NECTIN2: variants seen among roughly 807,000 people sequenced by gnomAD.
The protein encoded by NECTIN2 is nectin cell adhesion molecule 2, also known as nectin-2.
In NECTIN2, 23 loss-of-function variants were observed where a neutral mutation model predicts 56.9. The ratio of observed to expected loss-of-function variants is 0.40; its 90% CI spans 0.29 to 0.57. NECTIN2 has a LOEUF of 0.57. NECTIN2 is among the 20% of genes least tolerant of loss of function. The probability of loss-of-function intolerance (pLI) is 0.38; values close to 1 mark genes in which losing one functional copy is unlikely to be tolerated. For missense variants in NECTIN2, 587 were observed against 718.3 expected, an observed-to-expected ratio of 0.82 and a Z score of 2.09; for synonymous variants, 302 against 313.8, an observed-to-expected ratio of 0.96 and a Z score of 0.40.
chr19:44,866,938 C>T (rs1452196754), intron 2 of NECTIN2, among the ~76,000 whole-genome samples: 1 of 151,730 alleles, frequency 6.6e-6, no homozygotes, highest in Non-Finnish European at 1.5e-5. Flanking sequence ...TCAGGGAGGC[C>T]GAGGTGGGAG....
intron 6 of NECTIN2, among the ~76,000 whole-genome samples, chr19:44,882,690 CAAAAAAAAAAAAAAA>C: frequency 2.6e-5 from 1 of 38,326 alleles, no homozygotes; most frequent in South Asian, 1.2e-3. Context: ...CCCCCATCTA[CAAAAAAAAAAAAAAA>C]AAAAAAAAAA....
Position 44,871,758 on chromosome 19 carries a change from C to CG in NECTIN2, c.479-93dup. ...AGCAGCAGAGCTGGGATTGGAACCC[C>CG]GGCAGTTAGGGCCTAACCACCCTGC... On this transcript the variant is annotated intron_variant, in intron 2 of 8. Transcript: ENST00000252483. 3 of 1,371,580 alleles carry CG rather than the reference C, an allele frequency of 2.2e-6. No individual in the cohort carries two copies. In the South Asian group the frequency reaches 4.3e-5, roughly 19 times the overall value. 85.0% of individuals were successfully genotyped at this position (1,371,580 alleles called of 1,614,324 possible). A position where few individuals can be genotyped will look rare whatever the true frequency, so the allele number is the denominator to read the frequency against.
intron 5 of NECTIN2, among the ~76,000 whole-genome samples, chr19:44,877,653 AC>A (rs1969254864): frequency 6.6e-6 from 1 of 152,304 alleles, no homozygotes; most frequent in African/African-American, 2.4e-5. Flanking sequence ...ACAGCCTCCC[AC>A]TGAAACCCAG....
chr19:44,879,440 C>T (rs1969283818), intron 5 of NECTIN2, among the ~76,000 whole-genome samples: 1 of 152,056 alleles, frequency 6.6e-6, no homozygotes, highest in Non-Finnish European at 1.5e-5. Context: ...CTGCTCCCCA[C>T]TCCCATTCTT....
At chr19:44,871,102 G>A (rs981589906) in intron 2 of NECTIN2, among the ~76,000 whole-genome samples, 1 of 152,166 alleles carries the variant, frequency 6.6e-6, no homozygotes, top group Non-Finnish European at 1.5e-5. Flanking sequence ...CTGGCCTCAA[G>A]TGATCCACCC....
In NECTIN2 at chr19:44,850,194, C is replaced by T. The variant is rs112479228; in HGVS notation, c.88+3581C>T. 1.6e-3 allele frequency among the ~76,000 whole-genome samples: 237 copies of T among 152,048 alleles called. 1 individual carries two copies. The highest frequency in any genetic ancestry group is 5.5e-3 in the African/African-American group (230 of 41,456). On this transcript the variant is annotated intron_variant, in intron 1 of 8. Coordinates refer to ENST00000252483, the MANE Select transcript of NECTIN2 (RefSeq NM_001042724.2). ...CCTGGGCCACAGAGCAAGACCCTGT[C>T]TCAAAAGAGAAAAGAGTAACAGAGA...
chr19:44,865,261 C>T lies in NECTIN2; in HGVS notation c.89-10C>T, dbSNP rs376208680. The T allele has an allele frequency of 2.1e-4, 344 of 1,601,756 alleles. No individual in the cohort carries two copies. In the African/African-American group the frequency reaches 4.4e-3, roughly 20 times the overall value. The stretch of plus-strand genomic sequence containing the variant: ...ACCCGACTACTTCACTCTCTGTCCT[C>T]TCTGCCCAGGAGCCCAGGATGTGCG... On this transcript the variant is annotated splice_polypyrimidine_tract_variant and intron_variant, in intron 1 of 8. Coordinates refer to ENST00000252483, the MANE Select transcript of NECTIN2 (RefSeq NM_001042724.2). The surrounding 1 kb of genome is among the most constrained non-coding windows in gnomAD (Gnocchi z 5.2).
chr19:44,846,892 C>T (rs1015485037), intron 1 of NECTIN2, among the ~76,000 whole-genome samples: 4 of 152,012 alleles, frequency 2.6e-5, no homozygotes, highest in Admixed American at 2.0e-4. Context: ...CTCCCCATTT[C>T]TCGGATTCCC....
intron 1 of NECTIN2, among the ~76,000 whole-genome samples, chr19:44,855,019 G>A (rs980769572): frequency 1.3e-5 from 2 of 151,228 alleles, no homozygotes; most frequent in African/African-American, 4.9e-5. Flanking sequence ...TCGGGAGGCT[G>A]AGGCAGGAGA....
intron 8 of NECTIN2, among the ~76,000 whole-genome samples, chr19:44,886,453 G>T (rs1436100502): frequency 6.6e-6 from 1 of 152,208 alleles, no homozygotes; most frequent in African/African-American, 2.4e-5. Flanking sequence ...GGGCACGGTG[G>T]CTCACGCCTA....
intron 2 of NECTIN2, among the ~76,000 whole-genome samples, chr19:44,868,668 C>G (rs1039272723): frequency 6.6e-6 from 1 of 151,770 alleles, no homozygotes; most frequent in Admixed American, 6.6e-5. Flanking sequence ...AATCCCAGCA[C>G]TTTGGGAGGC....
intron 1 of NECTIN2, among the ~76,000 whole-genome samples, chr19:44,850,123 C>T (rs1968883232): frequency 6.6e-6 from 1 of 152,030 alleles, no homozygotes; most frequent in Admixed American, 6.6e-5. Context: ...TCGTTTGAAC[C>T]GAGTTCAAGG....
intron 3 of NECTIN2, 45 bp downstream of exon 3, chr19:44,872,194 A>C: frequency 6.3e-7 from 1 of 1,589,018 alleles, no homozygotes. Flanking sequence ...AACTGCCTAC[A>C]CTGGCTTCTC....
At chr19:44,876,105 C>T (rs1204939321) in intron 5 of NECTIN2, among the ~76,000 whole-genome samples, 1 of 152,138 alleles carries the variant, frequency 6.6e-6, no homozygotes, top group South Asian at 2.1e-4. Context: ...GAAACTCCTC[C>T]GAAATTATCC....
intron 3 of NECTIN2, among the ~76,000 whole-genome samples, chr19:44,873,199 T>A (rs1969197465): frequency 6.6e-6 from 1 of 152,108 alleles, no homozygotes; most frequent in Non-Finnish European, 1.5e-5. Flanking sequence ...AAGCCAAGTC[T>A]ACACCAGCTC....
rs1969219488 is a variant in NECTIN2 at position 44,874,896 on chromosome 19, A to G, written c.1042+418A>G. On this transcript the variant is annotated intron_variant, in intron 5 of 8. Coordinates refer to ENST00000252483, the MANE Select transcript of NECTIN2 (RefSeq NM_001042724.2). The surrounding 1 kb of genome is among the most constrained non-coding windows in gnomAD (Gnocchi z 6.3). ...ATCCGGCCCCAAGGCACGGAGCCAA[A>G]GAGGAAAAGCACAAAGCCAGACCAT... is the stretch of plus-strand genomic sequence containing the variant. Among the ~76,000 whole-genome samples, 1 of 152,170 alleles carries G rather than the reference A, an allele frequency of 6.6e-6. No homozygotes were observed. Among genetic ancestry groups the G allele is most frequent in the Non-Finnish European group, 1.5e-5 (1 of 68,016 alleles).
rs780977718 is a variant in NECTIN2, at chr19:44,878,509, G to C, written c.1043-3702G>C. The C allele has an allele frequency of 1.9e-6, 3 of 1,613,806 alleles. No homozygotes were observed. In the East Asian group the frequency reaches 6.7e-5, roughly 36 times the overall value. ...GCAAGGATGAGGAGGAGGAGGAGGA[G>C]GAAGAGAAGGCAGAGAAAGGCCTCA... On this transcript the variant is annotated intron_variant, in intron 5 of 8. Transcript: ENST00000252483.
At chr19:44,851,039 A>G (rs11666329) in intron 1 of NECTIN2, among the ~76,000 whole-genome samples, 66,664 of 151,782 alleles carry the variant, frequency 0.44, 16,113 homozygotes, top group Non-Finnish European at 0.53. Flanking sequence ...CGCCTCCCTC[A>G]GACCCAGAAG....
chr19:44,878,239 G>A (rs1137241), intron 5 of NECTIN2: 22 of 753,414 alleles, frequency 2.9e-5, no homozygotes, highest in East Asian at 5.4e-5. Flanking sequence ...CCAGGGCCTC[G>A]CCCCGAGATG....
Sources: gnomAD v4.1 joint callset for allele counts (sites outside exome capture counted in the v4.1 genomes callset) on GRCh38, gnomAD v4.1.1 for gene constraint, Gnocchi (gnomAD v3.1) non-coding constraint, MANE v1.5 for transcripts, NCBI Gene and HGNC (gene_info 2026-07-23, HGNC 2026-07-21) for gene names.